The following C3orf22 variants were observed in gnomAD, a reference collection of about 807,000 sequenced individuals.
C3orf22 encodes the protein chromosome 3 open reading frame 22.
A neutral mutation model predicts 10.8 loss-of-function variants in C3orf22; 7 were observed. The observed-to-expected ratio is 0.65, with a 90% CI of 0.37 to 1.22. The LOEUF is 1.22. C3orf22 is among the 50% of genes most tolerant of loss of function. C3orf22 has a pLI of 0.02. For synonymous variants in C3orf22, 79 were observed against 78.9 expected (o/e 1.00, Z 0.00); for missense variants, 173 against 177.0 (o/e 0.98, Z 0.13).
chr3:126,536,067 C>T (rs923916047), intron 4 of C3orf22, among the ~76,000 whole-genome samples: 3 of 152,162 alleles, frequency 2.0e-5, no homozygotes, highest in Non-Finnish European at 2.9e-5. Context: ...AGGAATGACA[C>T]AAGATACTAC....
intron 4 of C3orf22, among the ~76,000 whole-genome samples, chr3:126,539,335 G>A (rs1274744759): frequency 6.6e-6 from 1 of 152,018 alleles, no homozygotes; most frequent in African/African-American, 2.4e-5. Flanking sequence ...GTTAAGCCCT[G>A]TTCTGCACTT....
rs758962499 is a variant in C3orf22 at position 126,552,091 on chromosome 3, G to A, written c.121C>T (p.Pro41Ser). 7 of 1,613,906 alleles carry A rather than the reference G, an allele frequency of 4.3e-6. No individual in the cohort carries two copies. The highest frequency in any genetic ancestry group is 1.1e-5 in the South Asian group (1 of 91,062). ...LSWLTEPDPE[P>S]LQPWEVTNDS... ...TTTGTGACCTCCCAGGGCTGCAGGG[G>A]CTCAGGGTCGGGCTCTGTCAGCCAC... Residue 41 changes from proline to serine, a missense_variant, in exon 3 of 4, where the codon CCC becomes TCC. Pro to Ser is a moderately conservative substitution (Grantham distance 74, BLOSUM62 -1). Coordinates refer to ENST00000318225, the MANE Select transcript of C3orf22 (RefSeq NM_152533.3).
chr3:126,549,330 C>G (rs746145609), downstream of C3orf22, among the ~76,000 whole-genome samples: 1 of 151,836 alleles, frequency 6.6e-6, no homozygotes, highest in Non-Finnish European at 1.5e-5. Context: ...CACTCTTCTG[C>G]TGTGCTTTTT....
intron 4 of C3orf22, among the ~76,000 whole-genome samples, chr3:126,538,355 G>A (rs1030415728): frequency 3.3e-5 from 5 of 152,242 alleles, no homozygotes; most frequent in Admixed American, 3.3e-4. Context: ...CAGAAAGTGA[G>A]TGGTGGGGTA....
chr3:126,539,835 ACACC>A (rs1936904537), intron 4 of C3orf22, among the ~76,000 whole-genome samples: 1 of 78,030 alleles, frequency 1.3e-5, no homozygotes, highest in Non-Finnish European at 2.3e-5. Context: ...TACCACACAC[ACACC>A]ACACACATCA....
downstream of C3orf22, among the ~76,000 whole-genome samples, chr3:126,547,839 C>T (rs547329385): frequency 6.6e-6 from 1 of 152,276 alleles, no homozygotes; most frequent in Admixed American, 6.5e-5. Context: ...GCAGCACCCA[C>T]AGTAGCACAA....
At chr3:126,542,786 C>A in intron 4 of C3orf22, 1 of 627,886 alleles carries the variant, frequency 1.6e-6, no homozygotes, top group Non-Finnish European at 2.4e-6. Context: ...CTGCCTCGGC[C>A]TGTCGCCTGA....
intron 4 of C3orf22, chr3:126,542,551 C>T (rs775724154): frequency 3.3e-6 from 5 of 1,516,258 alleles, no homozygotes; most frequent in East Asian, 5.1e-5. Flanking sequence ...TCAACTACTC[C>T]GCCCCCTCCT....
At chr3:126,531,092 C>G (rs551935784) in intron 4 of C3orf22, among the ~76,000 whole-genome samples, 3 of 152,386 alleles carry the variant, frequency 2.0e-5, no homozygotes, top group African/African-American at 7.2e-5. Context: ...CAGCACAGAC[C>G]ATATTCTGCC....
Position 126,557,511 on chromosome 3 carries a change from C to T in C3orf22, c.-41+1116G>A, listed in dbSNP as rs1050460283. Among the ~76,000 whole-genome samples the T allele has an allele frequency of 3.4e-4, 52 of 152,322 alleles. 1 individual carries two copies. Among genetic ancestry groups the T allele is most frequent in the Admixed American group, 2.7e-3 (41 of 15,304 alleles). On this transcript the variant is annotated intron_variant, in intron 1 of 3. Transcript: ENST00000318225. ...TGCTGCTCATCCATCCCTCTGAGGG[C>T]GGGGTACTGGGCTAGCTGGGAGGCT...
intron 1 of C3orf22, among the ~76,000 whole-genome samples, chr3:126,556,948 A>G (rs1044980363): frequency 4.0e-5 from 6 of 151,724 alleles, no homozygotes; most frequent in Non-Finnish European, 7.4e-5. Context: ...TCACACACTC[A>G]TACACACAGA....
intron 1 of C3orf22, among the ~76,000 whole-genome samples, chr3:126,556,168 A>G (rs900277037): frequency 5.3e-5 from 8 of 152,086 alleles, no homozygotes; most frequent in Non-Finnish European, 1.0e-4. Context: ...GGGCCCATGC[A>G]CAGCACCTCT....
chr3:126,547,172 A>G (rs963173979), downstream of C3orf22, among the ~76,000 whole-genome samples: 2 of 152,176 alleles, frequency 1.3e-5, no homozygotes, highest in South Asian at 2.1e-4. Context: ...TTAAGGGCAC[A>G]TGGGGACCCA....
intron 4 of C3orf22, chr3:126,542,671 C>A: frequency 6.5e-6 from 9 of 1,378,066 alleles, no homozygotes; most frequent in Non-Finnish European, 8.4e-6. Flanking sequence ...GACCCCTCTT[C>A]AAGAGCCACT....
chr3:126,536,828 C>G (rs1936801839), intron 4 of C3orf22, among the ~76,000 whole-genome samples: 1 of 151,566 alleles, frequency 6.6e-6, no homozygotes, highest in Non-Finnish European at 1.5e-5. Flanking sequence ...TACACACATA[C>G]AACTGTACCC....
At chr3:126,551,486 C>T (rs1351814049) in intron 3 of C3orf22, among the ~76,000 whole-genome samples, 3 of 152,228 alleles carry the variant, frequency 2.0e-5, no homozygotes, top group African/African-American at 7.2e-5. Context: ...GTGGCTGGAT[C>T]TTTCCAAAGG....
At chr3:126,539,114 T>C (rs1936865986) in intron 4 of C3orf22, among the ~76,000 whole-genome samples, 1 of 152,070 alleles carries the variant, frequency 6.6e-6, no homozygotes, top group Non-Finnish European at 1.5e-5. Flanking sequence ...TCTTTTCATT[T>C]TGAAAAATTC....
chr3:126,536,947 C>T lies in C3orf22; in HGVS notation c.287-7575G>A, dbSNP rs1019079211. Among the ~76,000 whole-genome samples the T allele has an allele frequency of 3.3e-5, 5 of 151,284 alleles. 1 individual carries two copies. The highest frequency in any genetic ancestry group is 1.2e-4 in the African/African-American group (5 of 41,070). On this transcript the variant is annotated intron_variant and NMD_transcript_variant, in intron 4 of 5. Coordinates refer to the C3orf22 transcript ENST00000505070. Reference sequence around the variant, plus strand: ...CACCCCACACACACAAGTACTTATTCGGACAGCACATATTGAGCACCTACT... The same window carrying T: ...CACCCCACACACACAAGTACTTATTTGGACAGCACATATTGAGCACCTACT...
downstream of C3orf22, among the ~76,000 whole-genome samples, chr3:126,547,710 C>T (rs1937092201): frequency 6.6e-6 from 1 of 152,074 alleles, no homozygotes; most frequent in Admixed American, 6.5e-5. Flanking sequence ...ATTGTTCTGG[C>T]AAGAGCTGAT....
Sources: allele counts gnomAD v4.1 joint callset (sites outside exome capture counted in the v4.1 genomes callset), GRCh38; gene constraint gnomAD v4.1.1; transcripts MANE v1.5; gene names NCBI Gene and HGNC (gene_info 2026-07-23, HGNC 2026-07-21).